Variants in RNF13 observed in about 807,000 individuals in gnomAD.
The protein encoded by RNF13 is ring finger protein 13.
In RNF13, 19 loss-of-function variants were observed where a neutral mutation model predicts 37.7. The observed-to-expected ratio is 0.50, with a 90% confidence interval of 0.35 to 0.74. The LOEUF is 0.74. Among genes scored for constraint, RNF13 ranks in the 30% least tolerant of loss-of-function variants. The pLI, the probability that RNF13 is intolerant of heterozygous loss-of-function variation, is 0.01. For missense variants in RNF13, 375 were observed against 453.0 expected, an observed-to-expected ratio of 0.83 and a Z score of 1.56; for synonymous variants, 144 against 157.8, an observed-to-expected ratio of 0.91 and a Z score of 0.65.
intron 7 of RNF13, among the ~76,000 whole-genome samples, chr3:149,919,265 A>T (rs551204676): frequency 6.6e-6 from 1 of 152,170 alleles, no homozygotes; most frequent in Non-Finnish European, 1.5e-5. Flanking sequence ...CACATATATC[A>T]TCCATATGTA....
intron 6 of RNF13, among the ~76,000 whole-genome samples, chr3:149,903,779 A>G (rs750559884): frequency 8.5e-5 from 13 of 152,212 alleles, no homozygotes; most frequent in Non-Finnish European, 1.8e-4. Flanking sequence ...TCTGCAATAA[A>G]TATATGGCTA....
intron 1 of RNF13, among the ~76,000 whole-genome samples, chr3:149,836,619 TC>T (rs762495602): frequency 1.1e-4 from 17 of 151,796 alleles, no homozygotes; most frequent in Non-Finnish European, 2.4e-4. Context: ...GTATGGCAGT[TC>T]TTTAAAAAAA....
chr3:149,841,323 A>G (rs550733589), intron 1 of RNF13, among the ~76,000 whole-genome samples: 10 of 152,332 alleles, frequency 6.6e-5, no homozygotes, highest in African/African-American at 1.9e-4. Context: ...CCTAGCAGCA[A>G]CAACAAAAAA....
intron 9 of RNF13, 121 bp downstream of exon 9, chr3:149,960,257 T>C: frequency 1.5e-6 from 1 of 672,036 alleles, no homozygotes; most frequent in South Asian, 1.9e-5. Context: ...CTGTACTAAT[T>C]AGTGGTCTCA....
At chr3:149,865,329 GATATATAT>G (rs3028509) in intron 3 of RNF13, among the ~76,000 whole-genome samples, 36 of 139,120 alleles carry the variant, frequency 2.6e-4, no homozygotes, top group African/African-American at 5.5e-4. Context: ...ATGTTTTGGT[GATATATAT>G]ATATATATAT....
chr3:149,867,578 T>C (rs2108432323), intron 3 of RNF13, among the ~76,000 whole-genome samples: 1 of 152,032 alleles, frequency 6.6e-6, no homozygotes, highest in Non-Finnish European at 1.5e-5. Context: ...TGTCTCTTTT[T>C]ACACTGTTTG....
At chr3:149,883,566 G>T (rs966839616) in intron 4 of RNF13, among the ~76,000 whole-genome samples, 3 of 151,794 alleles carry the variant, frequency 2.0e-5, no homozygotes, top group African/African-American at 7.3e-5. Flanking sequence ...ATAATTTATA[G>T]CTGTTTTAAA....
intron 1 of RNF13, among the ~76,000 whole-genome samples, chr3:149,841,254 T>A (rs1722148973): frequency 6.6e-6 from 1 of 152,126 alleles, no homozygotes; most frequent in Non-Finnish European, 1.5e-5. Flanking sequence ...CTTGCTAACC[T>A]TTTTCCTCAG....
intron 8 of RNF13, chr3:149,939,430 T>C: frequency 1.8e-6 from 1 of 540,800 alleles, no homozygotes. Flanking sequence ...ATCTTCTGAC[T>C]CTGCATCTTC....
At position 149,846,256 on chromosome 3, in the gene RNF13, C is replaced by T. The variant is rs909210935; in HGVS notation, c.114+116C>T. 2.0e-5 allele frequency: 13 copies of T among 638,482 alleles called. No individual in the cohort carries two copies. In the African/African-American group the frequency reaches 2.2e-4, roughly 11 times the overall value. 39.6% of individuals were successfully genotyped at this position (638,482 alleles called of 1,614,324 possible). A position where few individuals can be genotyped will look rare whatever the true frequency, so the allele number is the denominator to read the frequency against. On this transcript the variant is annotated intron_variant, in intron 2 of 9. Coordinates refer to ENST00000392894, the MANE Select transcript of RNF13 (RefSeq NM_183381.3). Reference sequence around the variant, plus strand: ...TAAGACATTTTTATCTAAAAACATACCCCAACACATATACACAGTTACTTG... The same window carrying T: ...TAAGACATTTTTATCTAAAAACATATCCCAACACATATACACAGTTACTTG...
chr3:149,950,472 C>T (rs530971474), intron 8 of RNF13, among the ~76,000 whole-genome samples: 15 of 152,160 alleles, frequency 9.9e-5, no homozygotes, highest in African/African-American at 3.6e-4. Context: ...TATATCTGAA[C>T]CTTTTTTTAA....
At chr3:149,858,447 G>A (rs1723881630) in intron 3 of RNF13, among the ~76,000 whole-genome samples, 2 of 152,198 alleles carry the variant, frequency 1.3e-5, no homozygotes, top group Non-Finnish European at 1.5e-5. Context: ...CTTGATAGGT[G>A]GAGGAGATAA....
chr3:149,823,299 T>A (rs1320719151), intron 1 of RNF13, among the ~76,000 whole-genome samples: 1 of 152,284 alleles, frequency 6.6e-6, no homozygotes, highest in East Asian at 1.9e-4. Flanking sequence ...AAATAAATAA[T>A]GTATATTAAG....
At chr3:149,928,034 G>C (rs1205170371) in intron 8 of RNF13, among the ~76,000 whole-genome samples, 1 of 144,686 alleles carries the variant, frequency 6.9e-6, no homozygotes, top group Non-Finnish European at 1.5e-5. Context: ...GCTTGTGAAG[G>C]AAATTAAAGA....
chr3:149,830,089 C>T (rs980963944), intron 1 of RNF13, among the ~76,000 whole-genome samples: 1 of 131,210 alleles, frequency 7.6e-6, no homozygotes, highest in African/African-American at 3.0e-5. Flanking sequence ...ATAAATTACC[C>T]AGTCTTGAGT....
intron 8 of RNF13, among the ~76,000 whole-genome samples, chr3:149,935,222 A>G (rs531093626): frequency 2.2e-4 from 34 of 152,200 alleles, no homozygotes; most frequent in African/African-American, 7.7e-4. Flanking sequence ...TTCCAATTGC[A>G]TGGAATATCT....
At chr3:149,820,246 CTTT>C (rs1447761904) in intron 1 of RNF13, among the ~76,000 whole-genome samples, 1 of 151,312 alleles carries the variant, frequency 6.6e-6, no homozygotes, top group Non-Finnish European at 1.5e-5. Context: ...AAGAGACCGT[CTTT>C]TTCTGTCACC....
intron 7 of RNF13, among the ~76,000 whole-genome samples, chr3:149,919,782 G>A (rs1019345092): frequency 2.0e-4 from 30 of 152,272 alleles, no homozygotes; most frequent in African/African-American, 6.3e-4. Context: ...TTGGGTCACA[G>A]GATAAATGTG....
At chr3:149,819,528 A>G (rs1023143928) in intron 1 of RNF13, among the ~76,000 whole-genome samples, 2 of 152,248 alleles carry the variant, frequency 1.3e-5, no homozygotes, top group African/African-American at 4.8e-5. Flanking sequence ...GAAAATGTAT[A>G]GCTCCTAACT....
Sources: gnomAD v4.1 joint callset for allele counts (sites outside exome capture counted in the v4.1 genomes callset) on GRCh38, gnomAD v4.1.1 for gene constraint, MANE v1.5 for transcripts, NCBI Gene and HGNC (gene_info 2026-07-23, HGNC 2026-07-21) for gene names.